The following NAV2 variants were observed in gnomAD, a reference collection of about 807,000 sequenced individuals.
NAV2 encodes helicase, APC down-regulated 1.
NAV2 carries 54 observed loss-of-function variants against 223.2 expected under a neutral mutation model. That is an observed-to-expected ratio of 0.24 (90% CI 0.19 to 0.30). NAV2 has a LOEUF of 0.30. Among genes scored for constraint, NAV2 ranks in the 10% least tolerant of loss-of-function variants. The pLI is 1.00. For synonymous variants in NAV2, 1,279 were observed against 1,239.3 expected, an observed-to-expected ratio of 1.03 and a Z score of -0.67; for missense variants, 2,806 against 3,147.5, an observed-to-expected ratio of 0.89 and a Z score of 2.60.
At chr11:19,363,177 T>C (rs760251858) in intron 1 of NAV2, among the ~76,000 whole-genome samples, 1 of 151,944 alleles carries the variant, frequency 6.6e-6, no homozygotes, top group African/African-American at 2.4e-5. Flanking sequence ...TTCCCCTCCC[T>C]ATGTCCATGT....
chr11:19,608,367 T>C (rs2046537750), intron 1 of NAV2, among the ~76,000 whole-genome samples: 1 of 152,216 alleles, frequency 6.6e-6, no homozygotes, highest in African/African-American at 2.4e-5. Flanking sequence ...GATGCCACTA[T>C]GAAAAGAAAG....
chr11:19,413,760 G>T (rs1314353712), intron 1 of NAV2, among the ~76,000 whole-genome samples: 2 of 152,086 alleles, frequency 1.3e-5, no homozygotes, highest in Non-Finnish European at 2.9e-5. Flanking sequence ...AAGAGAGTGG[G>T]GGCCAATATT....
intron 10 of NAV2, among the ~76,000 whole-genome samples, chr11:19,960,398 A>G (rs1219500015): frequency 6.6e-6 from 1 of 152,072 alleles, no homozygotes; most frequent in East Asian, 1.9e-4. Flanking sequence ...TTATTAATAA[A>G]GAAAATGAAG....
At chr11:19,360,153 C>G (rs962893777) in intron 1 of NAV2, among the ~76,000 whole-genome samples, 4 of 152,302 alleles carry the variant, frequency 2.6e-5, no homozygotes, top group Middle Eastern at 6.8e-3. Context: ...AGCCTTGGCC[C>G]CCATCCTGTC....
intron 1 of NAV2, among the ~76,000 whole-genome samples, chr11:19,471,225 C>T (rs1379343005): frequency 2.6e-5 from 4 of 152,094 alleles, no homozygotes; most frequent in Non-Finnish European, 5.9e-5. Context: ...CCATACACAC[C>T]AAGGAGGCAG....
chr11:19,874,883 A>G (rs987944596), intron 4 of NAV2, among the ~76,000 whole-genome samples: 2 of 152,244 alleles, frequency 1.3e-5, no homozygotes, highest in Non-Finnish European at 2.9e-5. Flanking sequence ...CAGACTGGGC[A>G]CAATGGCTCA....
chr11:19,853,092 C>T (rs902113819), intron 3 of NAV2, among the ~76,000 whole-genome samples: 2 of 152,186 alleles, frequency 1.3e-5, no homozygotes, highest in South Asian at 4.1e-4. Flanking sequence ...ATGTGAGAGG[C>T]ACCTGGAGAG....
intron 1 of NAV2, among the ~76,000 whole-genome samples, chr11:19,415,879 C>T (rs4604854): frequency 0.31 from 46,383 of 151,974 alleles, 7,686 homozygotes; most frequent in South Asian, 0.45. Context: ...AAAAGGCCTT[C>T]GATAAAATTC....
At chr11:19,777,057 G>A (rs1000792801) in intron 1 of NAV2, among the ~76,000 whole-genome samples, 4 of 151,474 alleles carry the variant, frequency 2.6e-5, no homozygotes, top group Admixed American at 2.6e-4. Context: ...GGCGGCCCGC[G>A]GGCCAGCTAG....
chr11:19,843,014 A>G lies in NAV2; in HGVS notation c.438+91A>G, dbSNP rs774994309. The G allele has an allele frequency of 2.8e-5, 29 of 1,045,944 alleles. No individual in the cohort carries two copies. In the Admixed American group the frequency reaches 3.4e-4, roughly 12 times the overall value. The allele number at this position is 1,045,944 out of a possible 1,614,324, so 64.8% of individuals were successfully genotyped here. A position where few individuals can be genotyped will look rare whatever the true frequency, so the allele number is the denominator to read the frequency against. On this transcript the variant is annotated intron_variant, in intron 3 of 37. Transcript: ENST00000349880. ...ACCATCTTGAAAACATTCATACCAGATGCTTTACTCCAGGGGATTATATTA... is the reference window on the plus strand; with the variant it reads ...ACCATCTTGAAAACATTCATACCAGGTGCTTTACTCCAGGGGATTATATTA...
At chr11:19,607,454 A>T (rs977360646) in intron 1 of NAV2, among the ~76,000 whole-genome samples, 1 of 152,222 alleles carries the variant, frequency 6.6e-6, no homozygotes, top group African/African-American at 2.4e-5. Context: ...GAGCTAGGAT[A>T]GCTGTCATCT....
chr11:20,044,790 A>T (rs553555251), intron 13 of NAV2, among the ~76,000 whole-genome samples, 178 bp from the exon 14 acceptor site: 2 of 152,284 alleles, frequency 1.3e-5, no homozygotes, highest in African/African-American at 4.8e-5. Context: ...AATTATTGAC[A>T]TTTCCTAAAA....
At chr11:19,758,150 A>T (rs1335140628) in intron 1 of NAV2, among the ~76,000 whole-genome samples, 3 of 152,214 alleles carry the variant, frequency 2.0e-5, no homozygotes, top group African/African-American at 4.8e-5. Flanking sequence ...CACTCCGTTT[A>T]TTGAGCACCT....
At chr11:19,785,858 C>T (rs1273029632) in intron 1 of NAV2, among the ~76,000 whole-genome samples, 1 of 152,096 alleles carries the variant, frequency 6.6e-6, no homozygotes, top group Non-Finnish European at 1.5e-5. Context: ...TTTCCAACCC[C>T]AGACAACTTG....
Position 19,528,025 on chromosome 11 carries a change from C to A in NAV2, c.75+176998C>A, listed in dbSNP as rs116208693. Among the ~76,000 whole-genome samples the A allele has an allele frequency of 6.5e-3, 988 of 151,812 alleles. 9 individuals are homozygous for A. Among genetic ancestry groups the A allele is most frequent in the African/African-American group, 0.023 (957 of 41,178 alleles). On this transcript the variant is annotated intron_variant, in intron 1 of 37. Transcript: ENST00000360655. ...CTCTTAACAAATGGTAGGGACATGGCAGTGGGGAAGTTTTCCCAGAGCTTT... is the reference window on the plus strand; with the variant it reads ...CTCTTAACAAATGGTAGGGACATGGAAGTGGGGAAGTTTTCCCAGAGCTTT...
At chr11:19,687,792 T>C (rs1022533395) in intron 1 of NAV2, among the ~76,000 whole-genome samples, 4 of 152,084 alleles carry the variant, frequency 2.6e-5, no homozygotes, top group Non-Finnish European at 5.9e-5. Flanking sequence ...TGCGTGTGTG[T>C]GTGTGTGTGT....
At chr11:19,825,447 A>C (rs2059601957) in intron 1 of NAV2, among the ~76,000 whole-genome samples, 1 of 152,192 alleles carries the variant, frequency 6.6e-6, no homozygotes, top group South Asian at 2.1e-4. Context: ...GTTTACTTTA[A>C]ACATTAGTCT....
chr11:19,557,952 G>T (rs2134730211), intron 1 of NAV2, among the ~76,000 whole-genome samples: 1 of 152,326 alleles, frequency 6.6e-6, no homozygotes, highest in South Asian at 2.1e-4. Context: ...GGAAGATGGG[G>T]TGCTCTTGTG....
chr11:19,755,617 C>A (rs956688646), intron 1 of NAV2, among the ~76,000 whole-genome samples: 1 of 152,356 alleles, frequency 6.6e-6, no homozygotes, highest in South Asian at 2.1e-4. Context: ...GCTGGCAATT[C>A]TTGGCATTCC....
Sources: gnomAD v4.1 joint callset for allele counts (sites outside exome capture counted in the v4.1 genomes callset) on GRCh38, gnomAD v4.1.1 for gene constraint, MANE v1.5 for transcripts, NCBI Gene and HGNC (gene_info 2026-07-23, HGNC 2026-07-21) for gene names.